GJB7: variants seen among roughly 807,000 people sequenced by gnomAD.
GJB7 encodes the protein gap junction beta-7 protein.
For synonymous variants in GJB7, 87 were observed against 95.2 expected (o/e 0.91, Z 0.50); for missense variants, 253 against 256.8 (o/e 0.99, Z 0.10).
intron 2 of GJB7, among the ~76,000 whole-genome samples, chr6:87,304,084 A>G (rs1776380553): frequency 1.3e-5 from 2 of 152,234 alleles, no homozygotes; most frequent in Admixed American, 1.3e-4. Context: ...GAAAGATCCA[A>G]AATTGACACC....
chr6:87,288,403 C>T (rs1776101037), intron 2 of GJB7, among the ~76,000 whole-genome samples: 1 of 152,158 alleles, frequency 6.6e-6, no homozygotes, highest in South Asian at 2.1e-4. Context: ...AATTAACGGA[C>T]ATCTGGAAGG....
intron 2 of GJB7, among the ~76,000 whole-genome samples, chr6:87,293,816 T>C (rs1776213378): frequency 6.6e-6 from 1 of 152,198 alleles, no homozygotes; most frequent in South Asian, 2.1e-4. Context: ...GAATCCAGTA[T>C]GACAGAGGTG....
intron 2 of GJB7, among the ~76,000 whole-genome samples, chr6:87,291,094 G>A (rs1382687645): frequency 6.6e-6 from 1 of 152,164 alleles, no homozygotes; most frequent in Non-Finnish European, 1.5e-5. Context: ...CAGAACAAGT[G>A]AGCCTAGCTT....
chr6:87,302,245 G>A (rs1484256140), intron 2 of GJB7, among the ~76,000 whole-genome samples: 1 of 152,110 alleles, frequency 6.6e-6, no homozygotes, highest in African/African-American at 2.4e-5. Flanking sequence ...AAAGGAGGAA[G>A]TTCGAATGCA....
intron 2 of GJB7, among the ~76,000 whole-genome samples, chr6:87,305,276 C>T (rs113841105): frequency 0.011 from 1,695 of 151,054 alleles, 32 homozygotes; most frequent in African/African-American, 0.039. Context: ...TCTAGAAAAC[C>T]CCATTGTCTC....
intron 2 of GJB7, among the ~76,000 whole-genome samples, chr6:87,294,225 T>C (rs963812460): frequency 6.6e-6 from 1 of 152,238 alleles, no homozygotes; most frequent in Non-Finnish European, 1.5e-5. Flanking sequence ...TGGATTTCAA[T>C]TTTAATAGTT....
Sources: gnomAD v4.1 joint callset for allele counts (sites outside exome capture counted in the v4.1 genomes callset) on GRCh38, gnomAD v4.1.1 for gene constraint, MANE v1.5 for transcripts, NCBI Gene and HGNC (gene_info 2026-07-23, HGNC 2026-07-21) for gene names.